Variants in CUX2 observed in about 807,000 individuals in gnomAD.
CUX2 encodes the protein homeobox protein cut-like 2.
A neutral mutation model predicts 144.8 loss-of-function variants in CUX2; 40 were observed. The observed-to-expected ratio is 0.28, with a 90% confidence interval of 0.21 to 0.36. The LOEUF (loss-of-function observed/expected upper bound fraction) is 0.36, where lower values mean the gene tolerates loss of function less well. Ranked by LOEUF, CUX2 falls within the 10% of genes least tolerant of loss-of-function variation. CUX2 has a pLI of 1.00. For synonymous variants in CUX2, 827 were observed against 875.6 expected, an observed-to-expected ratio of 0.94 and a Z score of 0.98; for missense variants, 1,615 against 1,994.0, an observed-to-expected ratio of 0.81 and a Z score of 3.62.
intron 3 of CUX2, among the ~76,000 whole-genome samples, chr12:111,262,080 A>G (rs977945505): frequency 9.2e-5 from 14 of 152,158 alleles, no homozygotes; most frequent in African/African-American, 3.4e-4. Flanking sequence ...CCCCCAATTT[A>G]CACACTCCCA....
chr12:111,181,041 G>A (rs937993744), intron 1 of CUX2, among the ~76,000 whole-genome samples: 2 of 152,252 alleles, frequency 1.3e-5, no homozygotes, highest in African/African-American at 4.8e-5. Context: ...AATAGTCTTT[G>A]CAGAGCTCCG....
At chr12:111,313,510 C>T (rs771117111) in intron 16 of CUX2, among the ~76,000 whole-genome samples, 4 of 151,736 alleles carry the variant, frequency 2.6e-5, no homozygotes, top group Admixed American at 1.3e-4. Context: ...GGCGTGGTGG[C>T]GCACGCCTGT....
chr12:111,223,997 G>A (rs1881992316), intron 3 of CUX2, among the ~76,000 whole-genome samples: 2 of 152,110 alleles, frequency 1.3e-5, no homozygotes, highest in Admixed American at 1.3e-4. Flanking sequence ...AAAGCTAATG[G>A]CTTGAGACTA....
intron 3 of CUX2, among the ~76,000 whole-genome samples, chr12:111,261,025 T>G (rs1004986418): frequency 5.9e-5 from 9 of 152,204 alleles, no homozygotes; most frequent in Non-Finnish European, 8.8e-5. Flanking sequence ...AGGGCAGCTG[T>G]AGTTGGCTTG....
chr12:111,336,424 T>TTGTGTG (rs57009074), intron 19 of CUX2, among the ~76,000 whole-genome samples: 5,533 of 146,070 alleles, frequency 0.038, 285 homozygotes, highest in South Asian at 0.23. Flanking sequence ...CACTTCAGTG[T>TTGTGTG]TGTGTGTGTG....
At chr12:111,053,627 C>G (rs1870382509) in intron 1 of CUX2, among the ~76,000 whole-genome samples, 1 of 152,222 alleles carries the variant, frequency 6.6e-6, no homozygotes, top group Non-Finnish European at 1.5e-5. Context: ...TCACATTGCT[C>G]TTCGTGGGCC....
chr12:111,083,211 G>C (rs979787279), intron 1 of CUX2, among the ~76,000 whole-genome samples: 12 of 152,062 alleles, frequency 7.9e-5, no homozygotes, highest in African/African-American at 2.7e-4. Flanking sequence ...AGATGAGCAG[G>C]GTGACCAGCC....
At chr12:111,168,944 C>T (rs1252782952) in intron 1 of CUX2, among the ~76,000 whole-genome samples, 1 of 152,084 alleles carries the variant, frequency 6.6e-6, no homozygotes, top group Non-Finnish European at 1.5e-5. Context: ...TCAGAGCCCC[C>T]TGCCTGCCCC....
rs368972157 is a variant in CUX2, at chr12:111,295,246, G to T, written c.561-87G>T. On this transcript the variant is annotated intron_variant, in intron 6 of 21. Transcript: ENST00000261726. This position sits in a 1 kb window ranked among gnomAD's most constrained non-coding sequence, Gnocchi z 5.0. ...TGCAGGTTACAGGGAGTGGGCAAGG[G>T]GTAGGAAGCAAGATGGGGCTCGACT... 3.0e-3 allele frequency: 3,580 copies of T among 1,183,118 alleles called. 128 individuals are homozygous for T. The South Asian group carries it at 0.046, about 15-fold the overall frequency. The allele number at this position is 1,183,118 out of a possible 1,614,324, so 73.3% of individuals were successfully genotyped here.
chr12:111,334,472 C>T lies in CUX2; in HGVS notation c.2958C>T (p.Ser986=). The change falls in exon 19 of 22, where the codon TCC becomes TCT. Residue 986 remains serine (S), a synonymous_variant. Coordinates refer to ENST00000261726, the MANE Select transcript of CUX2 (RefSeq NM_015267.4). ...ASPTEPRSSP[S]PPPSPTEPEK... The stretch of plus-strand genomic sequence containing the variant: ...CCACAGAACCAAGGTCCTCACCATC[C>T]CCACCCCCCAGCCCCACAGAGCCTG... 6.2e-7 allele frequency: 1 copy of T among 1,606,064 alleles called. No homozygotes were observed. The highest frequency in any genetic ancestry group is 8.5e-7 in the Non-Finnish European group (1 of 1,175,958).
At chr12:111,321,739 G>A (rs1358603816) in intron 17 of CUX2, among the ~76,000 whole-genome samples, 3 of 152,082 alleles carry the variant, frequency 2.0e-5, no homozygotes, top group Non-Finnish European at 2.9e-5. Flanking sequence ...CCCTAGCCAG[G>A]GGACCTCAGT....
At chr12:111,259,207 A>G (rs749680692) in intron 3 of CUX2, among the ~76,000 whole-genome samples, 1 of 152,102 alleles carries the variant, frequency 6.6e-6, no homozygotes, top group African/African-American at 2.4e-5. Context: ...TGGCCTCAGG[A>G]TAATTTCTTA....
chr12:111,265,315 TTTTA>T (rs1884330093), intron 4 of CUX2, among the ~76,000 whole-genome samples: 4 of 64,804 alleles, frequency 6.2e-5, no homozygotes, highest in East Asian at 6.7e-4. Context: ...TTTATTTTTA[TTTTA>T]TTTTATTTTA....
intron 1 of CUX2, among the ~76,000 whole-genome samples, chr12:111,108,024 C>T (rs1261813120): frequency 5.9e-5 from 9 of 152,180 alleles, no homozygotes; most frequent in African/African-American, 1.2e-4. Flanking sequence ...GATCATGTGA[C>T]GCATGGAGTT....
intron 1 of CUX2, among the ~76,000 whole-genome samples, chr12:111,076,054 T>C (rs563973089): frequency 6.6e-6 from 1 of 152,224 alleles, no homozygotes; most frequent in Non-Finnish European, 1.5e-5. Flanking sequence ...GTCACACAGC[T>C]AGTCAGTGGC....
At chr12:111,047,297 G>A (rs542770187) in intron 1 of CUX2, among the ~76,000 whole-genome samples, 51 of 152,274 alleles carry the variant, frequency 3.3e-4, no homozygotes, top group Non-Finnish European at 6.5e-4. Context: ...AAATCGTGTC[G>A]TTGATAAAGA....
At chr12:111,182,143 G>A (rs901260981) in intron 1 of CUX2, among the ~76,000 whole-genome samples, 6 of 152,250 alleles carry the variant, frequency 3.9e-5, no homozygotes, top group East Asian at 3.9e-4. Flanking sequence ...AAGCCCTCCC[G>A]AATGACTGTG....
chr12:111,320,683 A>G lies in CUX2; in HGVS notation c.2674A>G (p.Met892Val), dbSNP rs915857921. The G allele has an allele frequency of 6.3e-7, 1 of 1,596,754 alleles. No homozygotes were observed. The highest frequency in any genetic ancestry group is 8.5e-7 in the Non-Finnish European group (1 of 1,179,074). ...PLTPEQYELYMYREVDTLELT... is the reference protein window; with the variant it reads ...PLTPEQYELYVYREVDTLELT... The stretch of plus-strand genomic sequence containing the variant: ...GACCCCCGAGCAGTACGAGCTGTAC[A>G]TGTACCGTGAGGTAGACACGCTGGA... Residue 892 changes from methionine (M) to valine (V), a missense_variant, in exon 17 of 22, where the codon ATG becomes GTG. Physicochemically the swap from Met to Val is conservative, Grantham distance 21. This residue lies in a region of CUX2 where 390 missense variants were observed against 387.1 expected (regional missense o/e 1.01). Transcript: ENST00000261726. This position sits in a 1 kb window ranked among gnomAD's most constrained non-coding sequence, Gnocchi z 8.1.
At chr12:111,095,440 G>C (rs111536267) in intron 1 of CUX2, among the ~76,000 whole-genome samples, 2,862 of 152,126 alleles carry the variant, frequency 0.019, 91 homozygotes, top group African/African-American at 0.065. Context: ...GTGTGGGCAA[G>C]AGAGTGAGAC....
Sources: allele counts gnomAD v4.1 joint callset (sites outside exome capture counted in the v4.1 genomes callset), GRCh38; gene constraint gnomAD v4.1.1; regional missense constraint gnomAD v4.1.1; non-coding constraint Gnocchi (gnomAD v3.1); transcripts MANE v1.5; gene names NCBI Gene and HGNC (gene_info 2026-07-23, HGNC 2026-07-21).